USP32: variants seen among roughly 807,000 people sequenced by gnomAD.
USP32 encodes ubiquitin specific peptidase 32.
In USP32, 59 loss-of-function variants were observed where a neutral mutation model predicts 204.8. The ratio of observed to expected loss-of-function variants is 0.29; its 90% CI spans 0.23 to 0.36. USP32 has a LOEUF of 0.36. USP32 is among the 10% of genes least tolerant of loss of function. The pLI is 1.00. For synonymous variants in USP32, 517 were observed against 678.4 expected (o/e 0.76, Z 3.70); for missense variants, 1,160 against 1,946.4 (o/e 0.60, Z 7.60).
intron 1 of USP32, among the ~76,000 whole-genome samples, chr17:60,388,116 C>T (rs1043119445): frequency 2.0e-5 from 3 of 152,030 alleles, no homozygotes; most frequent in Non-Finnish European, 4.4e-5. Flanking sequence ...AGCAAAAGGA[C>T]ATTTTAAAAT....
At chr17:60,417,064 T>G (rs2090067622) in intron 1 of USP32, among the ~76,000 whole-genome samples, 1 of 151,528 alleles carries the variant, frequency 6.6e-6, no homozygotes, top group East Asian at 1.9e-4. Context: ...ATTACAGGTA[T>G]GCACCACCAC....
intron 1 of USP32, among the ~76,000 whole-genome samples, chr17:60,372,954 C>T (rs936844839): frequency 3.3e-5 from 5 of 151,796 alleles, no homozygotes; most frequent in African/African-American, 1.2e-4. Flanking sequence ...GACTTGAGCC[C>T]AGGAGTTCAA....
chr17:60,191,572 C>A (rs1435423901), intron 28 of USP32, among the ~76,000 whole-genome samples: 1 of 151,204 alleles, frequency 6.6e-6, no homozygotes, highest in Admixed American at 6.6e-5. Context: ...TGCAGTGGTG[C>A]GATCTGAGCT....
At position 60,219,682 on chromosome 17, in the gene USP32, A is replaced by G; in HGVS notation, c.1855T>C (p.Trp619Arg). Reference protein sequence around the residue: ...PATRTQQSNIWVNMGNVPSPN... With the variant: ...PATRTQQSNIRVNMGNVPSPN... ...AGGCTCATCATACCCATATTCACCC[A>G]GATGTTAGACTGCTGTGTCCGAGTG... is the stretch of plus-strand genomic sequence containing the variant. The change falls in exon 16 of 34, where the codon TGG (tryptophan) becomes CGG (arginine). Residue 619 changes from tryptophan (W) to arginine (R), a missense_variant. Trp to Arg is a moderately radical substitution (Grantham distance 101). Coordinates refer to ENST00000300896, the MANE Select transcript of USP32 (RefSeq NM_032582.4). The G allele has an allele frequency of 1.2e-6, 2 of 1,609,252 alleles. No individual in the cohort carries two copies. The highest frequency in any genetic ancestry group is 1.1e-5 in the South Asian group (1 of 90,924).
In USP32 at chr17:60,255,248, A is replaced by T. The variant is rs1335736475; in HGVS notation, c.1001T>A (p.Leu334His). ...NAHDTTKMGHLTLEDYQIWSV... is the reference protein window; with the variant it reads ...NAHDTTKMGHHTLEDYQIWSV... ...CCAGATCTGATAGTCTTCCAGAGTA[A>T]GATGACCCATCTGAAACAGAGACAC... is the stretch of plus-strand genomic sequence containing the variant. Residue 334 changes from leucine to histidine, a missense_variant, in exon 10 of 34, where the codon CTT becomes CAT. Transcript: ENST00000300896. 1 of 1,608,154 alleles carries T rather than the reference A, an allele frequency of 6.2e-7. No individual in the cohort carries two copies. The highest frequency in any genetic ancestry group is 1.3e-5 in the African/African-American group (1 of 74,404).
At chr17:60,220,428 C>G (rs1367571579) in intron 15 of USP32, among the ~76,000 whole-genome samples, 2 of 152,058 alleles carry the variant, frequency 1.3e-5, no homozygotes, top group African/African-American at 2.4e-5. Context: ...ACTTGCGTAA[C>G]CAGTCTGTTC....
intron 12 of USP32, among the ~76,000 whole-genome samples, chr17:60,230,911 C>T (rs552314558): frequency 9.9e-5 from 15 of 152,200 alleles, no homozygotes; most frequent in South Asian, 4.1e-4. Flanking sequence ...TGGCTGCTTG[C>T]GGAAATTTTT....
chr17:60,351,440 C>CT (rs57834785), intron 1 of USP32, among the ~76,000 whole-genome samples: 20,859 of 146,998 alleles, frequency 0.14, 3,135 homozygotes, highest in African/African-American at 0.37. Flanking sequence ...TGCCAGGCTT[C>CT]TTTTTTTTTT....
rs534986387 is a variant in USP32, at chr17:60,406,052, G to A, written c.106+16194C>T. On this transcript the variant is annotated intron_variant, in intron 1 of 3. Coordinates refer to the USP32 transcript ENST00000588898. ...CACACCTGTATTCTCAGCTACTTGGGAGGCTGAGTTGGGAGGATCACTTGA... is the reference window on the plus strand; with the variant it reads ...CACACCTGTATTCTCAGCTACTTGGAAGGCTGAGTTGGGAGGATCACTTGA... Among the ~76,000 whole-genome samples the A allele has an allele frequency of 8.4e-4, 127 of 151,336 alleles. 1 individual carries two copies. The highest frequency in any genetic ancestry group is 2.9e-3 in the African/African-American group (121 of 41,198).
At chr17:60,364,056 T>C (rs2089266155) in intron 1 of USP32, among the ~76,000 whole-genome samples, 1 of 152,114 alleles carries the variant, frequency 6.6e-6, no homozygotes, top group Non-Finnish European at 1.5e-5. Context: ...CCAGGGAAAT[T>C]TACTGCTCAC....
intron 12 of USP32, among the ~76,000 whole-genome samples, chr17:60,228,897 C>A (rs1041157135): frequency 6.6e-6 from 1 of 151,462 alleles, no homozygotes; most frequent in African/African-American, 2.4e-5. Flanking sequence ...CAAACTCTAG[C>A]CTCAGGTAAT....
At chr17:60,398,507 A>G (rs1262992885) in intron 1 of USP32, among the ~76,000 whole-genome samples, 2 of 152,224 alleles carry the variant, frequency 1.3e-5, no homozygotes, top group Non-Finnish European at 2.9e-5. Context: ...AAGAGGAAGG[A>G]AATTCATGTA....
intron 2 of USP32, among the ~76,000 whole-genome samples, chr17:60,315,331 C>G (rs1204751400): frequency 6.6e-6 from 1 of 152,110 alleles, no homozygotes; most frequent in East Asian, 1.9e-4. Flanking sequence ...ACCCGGAAGG[C>G]AGAGGTTGCA....
intron 11 of USP32, among the ~76,000 whole-genome samples, chr17:60,244,591 G>C (rs1429968014): frequency 6.6e-6 from 1 of 151,922 alleles, no homozygotes; most frequent in Non-Finnish European, 1.5e-5. Flanking sequence ...ATTGTTGTAG[G>C]GTTTACAATA....
At chr17:60,361,084 A>G (rs1240500208) in intron 1 of USP32, among the ~76,000 whole-genome samples, 6 of 150,424 alleles carry the variant, frequency 4.0e-5, no homozygotes, top group African/African-American at 1.5e-4. Flanking sequence ...AGCTGAGAAC[A>G]TGCCACTGCA....
intron 2 of USP32, among the ~76,000 whole-genome samples, chr17:60,310,570 G>A (rs1322784262): frequency 2.6e-5 from 4 of 151,984 alleles, no homozygotes; most frequent in Admixed American, 1.3e-4. Flanking sequence ...GTGGTGGCAC[G>A]CGCCTATAGT....
chr17:60,191,825 T>C (rs772922893), intron 28 of USP32, among the ~76,000 whole-genome samples: 3 of 152,036 alleles, frequency 2.0e-5, no homozygotes, highest in Non-Finnish European at 4.4e-5. Flanking sequence ...TACTTTAGAC[T>C]CAGTTTGCTA....
chr17:60,351,150 GA>G (rs954634316), intron 1 of USP32, among the ~76,000 whole-genome samples: 1 of 150,378 alleles, frequency 6.6e-6, no homozygotes, highest in Non-Finnish European at 1.5e-5. Context: ...GTGAGGCTGA[GA>G]AAAAAAAATA....
chr17:60,266,200 A>G (rs1448452874), intron 7 of USP32, 109 bp from the exon 8 acceptor site: 2 of 755,374 alleles, frequency 2.6e-6, no homozygotes, highest in East Asian at 5.2e-5. Context: ...AAGCAAGTAT[A>G]TGTATTCTGG....
Sources: gnomAD v4.1 joint callset for allele counts (sites outside exome capture counted in the v4.1 genomes callset) on GRCh38, gnomAD v4.1.1 for gene constraint, MANE v1.5 for transcripts, NCBI Gene and HGNC (gene_info 2026-07-23, HGNC 2026-07-21) for gene names.